The following VPS37A variants were observed in gnomAD, a reference collection of about 807,000 sequenced individuals.
VPS37A encodes vacuolar protein sorting-associated protein 37A.
In VPS37A, 30 loss-of-function variants were observed where a neutral mutation model predicts 49.8. The observed-to-expected ratio is 0.60, with a 90% CI of 0.45 to 0.82. The LOEUF is 0.82. Among genes scored for constraint, VPS37A ranks in the 40% least tolerant of loss-of-function variants. The pLI is 0.00. For missense variants in VPS37A, 593 were observed against 464.4 expected (o/e 1.28, Z -2.55); for synonymous variants, 195 against 160.6 (o/e 1.21, Z -1.62).
the VPS37A span, among the ~76,000 whole-genome samples, chr8:17,312,197 C>T: frequency 4.6e-5 from 7 of 152,190 alleles, no homozygotes; most frequent in South Asian, 1.5e-3. Context: ...AATATCTTGG[C>T]AGTTAACATA....
At chr8:17,302,716 C>A (rs1324405336), downstream of VPS37A, among the ~76,000 whole-genome samples, 1 of 79,314 alleles carries the variant, frequency 1.3e-5, no homozygotes, top group African/African-American at 3.8e-5. Flanking sequence ...CCCCCCCCCC[C>A]GCTTTTTTTT....
In VPS37A at chr8:17,275,894, T is replaced by C. The variant is rs1029336; in HGVS notation, c.643-503T>C. On this transcript the variant is annotated intron_variant, in intron 5 of 11. Transcript: ENST00000324849. Reference sequence around the variant, plus strand: ...TGTGTTAATGAGTGTTGTGAACAAATTACAGTTAGTAGTGTGAACAAAATT... The same window carrying C: ...TGTGTTAATGAGTGTTGTGAACAAACTACAGTTAGTAGTGTGAACAAAATT... Among the ~76,000 whole-genome samples, 1,030 of 152,208 alleles carry C rather than the reference T, an allele frequency of 6.8e-3. 5 individuals are homozygous for C. The highest frequency in any genetic ancestry group is 0.011 in the Non-Finnish European group (748 of 67,988).
downstream of VPS37A, among the ~76,000 whole-genome samples, chr8:17,306,272 G>C (rs1817450680): frequency 2.0e-5 from 3 of 151,916 alleles, no homozygotes; most frequent in Admixed American, 6.6e-5. Flanking sequence ...AAGTACATTA[G>C]AACTTTTAAA....
the VPS37A span, among the ~76,000 whole-genome samples, chr8:17,316,395 T>TA: frequency 6.6e-6 from 1 of 151,784 alleles, no homozygotes; most frequent in African/African-American, 2.4e-5. Context: ...CTCTATATCT[T>TA]AAATTATTTA....
intron 5 of VPS37A, among the ~76,000 whole-genome samples, chr8:17,275,984 G>A (rs931544788): frequency 7.9e-5 from 12 of 152,106 alleles, no homozygotes; most frequent in Admixed American, 2.0e-4. Flanking sequence ...GTGGCTACTC[G>A]GTTGCTCATC....
chr8:17,294,027 T>G (rs1816383255), intron 11 of VPS37A, among the ~76,000 whole-genome samples: 1 of 152,124 alleles, frequency 6.6e-6, no homozygotes, highest in African/African-American at 2.4e-5. Flanking sequence ...GCAGGAACGT[T>G]TAAGTGTGTG....
intron 1 of VPS37A, among the ~76,000 whole-genome samples, chr8:17,250,655 C>T (rs1194904922): frequency 6.6e-6 from 1 of 152,110 alleles, no homozygotes; most frequent in Admixed American, 6.6e-5. Flanking sequence ...ATTTTTAACC[C>T]CTTATAATTC....
chr8:17,308,846 G>C, the VPS37A span, among the ~76,000 whole-genome samples: 1 of 152,200 alleles, frequency 6.6e-6, no homozygotes, highest in Non-Finnish European at 1.5e-5. Flanking sequence ...CCACTCCAGA[G>C]ACATCTGGGA....
At chr8:17,293,814 T>G (rs898817028) in intron 11 of VPS37A, among the ~76,000 whole-genome samples, 1 of 152,172 alleles carries the variant, frequency 6.6e-6, no homozygotes, top group African/African-American at 2.4e-5. Flanking sequence ...GCCTGCTCCT[T>G]CCTCTGGAAG....
chr8:17,306,109 T>A (rs1423348991), downstream of VPS37A: 5 of 663,652 alleles, frequency 7.5e-6, no homozygotes, highest in Non-Finnish European at 7.3e-6. Flanking sequence ...AAAGTTAAGA[T>A]TTTAAATTCA....
At chr8:17,314,890 C>T in the VPS37A span, among the ~76,000 whole-genome samples, 3 of 152,256 alleles carry the variant, frequency 2.0e-5, no homozygotes, top group East Asian at 5.8e-4. Flanking sequence ...CCTTGCACAC[C>T]TCAGGCCCAG....
intron 6 of VPS37A, among the ~76,000 whole-genome samples, chr8:17,279,238 G>C (rs1250601976): frequency 6.6e-6 from 1 of 152,074 alleles, no homozygotes; most frequent in Admixed American, 6.6e-5. Flanking sequence ...TTATCTTGTA[G>C]AGTCTTGGGA....
At chr8:17,301,957 T>G, downstream of VPS37A, 1 of 573,194 alleles carries the variant, frequency 1.7e-6, no homozygotes, top group Non-Finnish European at 2.9e-6. Context: ...ACAAACCAGA[T>G]GTGTGAAATG....
chr8:17,302,569 T>G (rs1817186368), downstream of VPS37A: 1 of 271,012 alleles, frequency 3.7e-6, no homozygotes, highest in South Asian at 1.6e-4. Context: ...CCATTACCTT[T>G]TAAGAAAATG....
chr8:17,287,559 T>A (rs1480635641), intron 11 of VPS37A, among the ~76,000 whole-genome samples: 1 of 151,822 alleles, frequency 6.6e-6, no homozygotes, highest in Non-Finnish European at 1.5e-5. Context: ...GCACCTGTAG[T>A]CTCAGCTACT....
At position 17,247,129 on chromosome 8, in the gene VPS37A, G is replaced by C; in HGVS notation, c.-116G>C. 3 of 1,409,510 alleles carry C rather than the reference G, an allele frequency of 2.1e-6. No individual in the cohort carries two copies. Among genetic ancestry groups the C allele is most frequent in the Non-Finnish European group, 2.9e-6 (3 of 1,035,528 alleles). 87.3% of individuals were successfully genotyped at this position (1,409,510 alleles called of 1,614,324 possible). A position where few individuals can be genotyped will look rare whatever the true frequency, so the allele number is the denominator to read the frequency against. ...GCTTAGAGAAGACGCGGTCCCCAGC[G>C]CTTGGGCCACGGACGTCCCACCCCG... On this transcript the variant is annotated 5_prime_UTR_variant, in exon 1 of 12. Coordinates refer to ENST00000324849, the MANE Select transcript of VPS37A (RefSeq NM_152415.3).
chr8:17,264,578 T>C lies in VPS37A; in HGVS notation c.126-1329T>C, dbSNP rs527315119. On this transcript the variant is annotated intron_variant, in intron 1 of 11. Coordinates refer to ENST00000324849, the MANE Select transcript of VPS37A (RefSeq NM_152415.3). ...TTTCTGTAACTCCATCCCAACACTT[T>C]TGAATCTTTTAAGCTATCTTAAGAT... 4.6e-5 allele frequency among the ~76,000 whole-genome samples: 7 copies of C among 152,344 alleles called. No individual in the cohort carries two copies. The South Asian group carries it at 1.0e-3, about 23-fold the overall frequency.
chr8:17,329,896 A>G, the VPS37A span, among the ~76,000 whole-genome samples: 1 of 152,190 alleles, frequency 6.6e-6, no homozygotes, highest in Admixed American at 6.5e-5. Context: ...CTGACTGCCA[A>G]TTATGTACAG....
intron 6 of VPS37A, 44 bp downstream of exon 6, chr8:17,276,511 G>A (rs1189276743): frequency 2.6e-6 from 4 of 1,548,138 alleles, no homozygotes; most frequent in African/African-American, 1.4e-5. Flanking sequence ...TATTTTATTT[G>A]TAAGCATAAA....
Sources: allele counts gnomAD v4.1 joint callset (sites outside exome capture counted in the v4.1 genomes callset), GRCh38; gene constraint gnomAD v4.1.1; transcripts MANE v1.5; gene names NCBI Gene and HGNC (gene_info 2026-07-23, HGNC 2026-07-21).